The following SSBP3 variants were observed in gnomAD, a reference collection of about 807,000 sequenced individuals.
SSBP3 encodes single-stranded DNA-binding protein 3.
Under a neutral mutation model 69.6 loss-of-function variants are expected in SSBP3, and 5 were observed. The ratio of observed to expected loss-of-function variants is 0.07; its 90% CI spans 0.04 to 0.15. SSBP3 has a LOEUF of 0.15. Ranked by LOEUF, SSBP3 falls within the 10% of genes least tolerant of loss-of-function variation. The pLI, the probability that SSBP3 is intolerant of heterozygous loss-of-function variation, is 1.00. For missense variants in SSBP3, 312 were observed against 534.0 expected (o/e 0.58, Z 4.10); for synonymous variants, 196 against 193.4 (o/e 1.01, Z -0.11).
At chr1:54,342,519 C>T (rs1351895218) in intron 4 of SSBP3, among the ~76,000 whole-genome samples, 3 of 152,122 alleles carry the variant, frequency 2.0e-5, no homozygotes, top group Admixed American at 6.5e-5. Flanking sequence ...GCCTTCCCTC[C>T]CCACCCCCTC....
At position 54,321,620 on chromosome 1, in the gene SSBP3, G is replaced by A. The variant is rs148646104; in HGVS notation, c.277-40093C>T. ...TTTCTCCATGGAAAACTGGGAAATC[G>A]ATATGAAACCTAGAGTTCCCGTGCA... On this transcript the variant is annotated intron_variant, in intron 4 of 17. Coordinates refer to ENST00000610401, the Ensembl canonical transcript of SSBP3. 5.3e-3 allele frequency among the ~76,000 whole-genome samples: 810 copies of A among 152,350 alleles called. 7 individuals carry two copies. The highest frequency in any genetic ancestry group is 0.011 in the Admixed American group (171 of 15,302).
At chr1:54,232,158 G>A (rs181503858) in intron 14 of SSBP3, among the ~76,000 whole-genome samples, 17 of 152,230 alleles carry the variant, frequency 1.1e-4, no homozygotes, top group East Asian at 9.6e-4. Flanking sequence ...TGTTAACAGC[G>A]GCAATTAGTA....
intron 5 of SSBP3, among the ~76,000 whole-genome samples, chr1:54,278,832 C>A (rs999879811): frequency 6.6e-6 from 1 of 152,252 alleles, no homozygotes; most frequent in Non-Finnish European, 1.5e-5. Flanking sequence ...CAGATAAAAT[C>A]CTCGATACCA....
Position 54,259,500 on chromosome 1 carries a change from A to G in SSBP3, c.367-1351T>C, listed in dbSNP as rs535409505. 7.2e-5 allele frequency among the ~76,000 whole-genome samples: 11 copies of G among 152,264 alleles called. No individual in the cohort carries two copies. The East Asian group carries it at 1.9e-3, about 27-fold the overall frequency. On this transcript the variant is annotated intron_variant, in intron 5 of 17. Coordinates refer to ENST00000610401, the Ensembl canonical transcript of SSBP3. The stretch of plus-strand genomic sequence containing the variant: ...GGATGCTGATGCCAGGGATGAGGAG[A>G]CAGGCCTCCATTCGCTCTTCCCCAC...
chr1:54,314,774 C>G (rs1646066126), intron 4 of SSBP3, among the ~76,000 whole-genome samples: 1 of 152,178 alleles, frequency 6.6e-6, no homozygotes, highest in Non-Finnish European at 1.5e-5. Context: ...AGCACCCGGT[C>G]AACTGGCAGT....
chr1:54,312,917 G>A (rs1646029081), intron 4 of SSBP3, among the ~76,000 whole-genome samples: 1 of 152,098 alleles, frequency 6.6e-6, no homozygotes, highest in Non-Finnish European at 1.5e-5. Flanking sequence ...CTTCAGAAAG[G>A]CAGGCCCAGG....
chr1:54,404,784 T>C, intron 2 of SSBP3, 74 bp downstream of exon 2: 3 of 817,554 alleles, frequency 3.7e-6, no homozygotes, highest in South Asian at 2.6e-5. Flanking sequence ...TGGCTGCTCC[T>C]GAAAACAAAG....
At chr1:54,315,614 AAAG>A (rs1283633112) in intron 4 of SSBP3, among the ~76,000 whole-genome samples, 4 of 152,030 alleles carry the variant, frequency 2.6e-5, no homozygotes. Context: ...AAAAAAAAAA[AAAG>A]GTCTTGCTCT....
chr1:54,396,193 G>GGA (rs1168912041), intron 4 of SSBP3, among the ~76,000 whole-genome samples: 7 of 40,582 alleles, frequency 1.7e-4, no homozygotes, highest in East Asian at 1.7e-3. Context: ...CTCCATCTCA[G>GGA]AAAAAAAAAA....
At chr1:54,407,096 T>C (rs1014619389), upstream of SSBP3, among the ~76,000 whole-genome samples, 24 of 151,786 alleles carry the variant, frequency 1.6e-4, no homozygotes, top group Middle Eastern at 0.014. Context: ...TAAAATACTT[T>C]GGAAAACCCC....
intron 4 of SSBP3, among the ~76,000 whole-genome samples, chr1:54,380,055 G>A (rs1413184449): frequency 6.6e-6 from 1 of 152,228 alleles, no homozygotes; most frequent in South Asian, 2.1e-4. Flanking sequence ...AGGGCTCTCT[G>A]GTCAGAGAGG....
chr1:54,375,908 T>C (rs1248749114), intron 4 of SSBP3, among the ~76,000 whole-genome samples: 2 of 150,472 alleles, frequency 1.3e-5, no homozygotes, highest in African/African-American at 2.5e-5. Context: ...GGCCACAAGG[T>C]GGTGCTGACC....
intron 4 of SSBP3, among the ~76,000 whole-genome samples, chr1:54,306,039 CCAGCTGAAGGTT>C (rs1403665449): frequency 1.3e-5 from 2 of 151,818 alleles, no homozygotes; most frequent in East Asian, 3.9e-4. Flanking sequence ...CAGACTTCCC[CCAGCTGAAGGTT>C]CTCCCTCTCC....
chr1:54,301,241 C>T (rs55665511), intron 4 of SSBP3, among the ~76,000 whole-genome samples: 37,192 of 152,178 alleles, frequency 0.24, 5,353 homozygotes, highest in Middle Eastern at 0.38. Context: ...AGAAGCCTCA[C>T]CTGGACCATT....
intron 14 of SSBP3, among the ~76,000 whole-genome samples, chr1:54,234,459 G>A (rs897570064): frequency 3.3e-5 from 5 of 152,114 alleles, no homozygotes; most frequent in African/African-American, 1.2e-4. Context: ...GTGGTGGCAC[G>A]TGCCTGTAGT....
intron 4 of SSBP3, among the ~76,000 whole-genome samples, chr1:54,347,802 A>G (rs1184576450): frequency 7.2e-5 from 11 of 152,248 alleles, no homozygotes; most frequent in African/African-American, 2.7e-4. Context: ...AGAGAAAGGC[A>G]TGGGCAGATG....
chr1:54,364,766 AC>A (rs1232230569), intron 4 of SSBP3, among the ~76,000 whole-genome samples: 1 of 152,112 alleles, frequency 6.6e-6, no homozygotes, highest in Non-Finnish European at 1.5e-5. Flanking sequence ...CCCTGCCCAG[AC>A]TATGGCCACT....
intron 4 of SSBP3, among the ~76,000 whole-genome samples, chr1:54,290,032 C>CT (rs936830702): frequency 1.3e-5 from 2 of 152,214 alleles, no homozygotes; most frequent in Admixed American, 1.3e-4. Context: ...AGTAAAGGCA[C>CT]TTGTCCAAGG....
In SSBP3 at chr1:54,315,682, C is replaced by G. The variant is rs991172521; in HGVS notation, c.277-34155G>C. On this transcript the variant is annotated intron_variant, in intron 4 of 17. Coordinates refer to ENST00000610401, the Ensembl canonical transcript of SSBP3. ...TCTCTGTCTTTAATTTTTCTAAAGA[C>G]AGGGTCTCTTGCTCTGTCACCCAGG... Among the ~76,000 whole-genome samples the G allele has an allele frequency of 2.6e-5, 4 of 151,716 alleles. No individual in the cohort carries two copies. The East Asian group carries it at 7.8e-4, about 30-fold the overall frequency.
Sources: gnomAD v4.1 joint callset for allele counts (sites outside exome capture counted in the v4.1 genomes callset) on GRCh38, gnomAD v4.1.1 for gene constraint, MANE v1.5 for transcripts, NCBI Gene and HGNC (gene_info 2026-07-23, HGNC 2026-07-21) for gene names.